Variants in DRD3 observed in about 807,000 individuals in gnomAD.
DRD3 encodes dopamine receptor D3.
Under a neutral mutation model 36.3 loss-of-function variants are expected in DRD3, and 19 were observed. The observed-to-expected ratio is 0.52, with a 90% CI of 0.36 to 0.77. The LOEUF is 0.77. DRD3 is among the 30% of genes least tolerant of loss of function. The probability of loss-of-function intolerance (pLI) is 0.00; values close to 1 mark genes in which losing one functional copy is unlikely to be tolerated. For synonymous variants in DRD3, 195 were observed against 203.7 expected (o/e 0.96, Z 0.36); for missense variants, 465 against 505.3 (o/e 0.92, Z 0.77).
intron 2 of DRD3, among the ~76,000 whole-genome samples, chr3:114,165,860 G>A (rs919373169): frequency 3.3e-5 from 5 of 151,982 alleles, no homozygotes; most frequent in East Asian, 3.9e-4. Flanking sequence ...CCCAAATGTC[G>A]TAGCAGATGA....
chr3:114,161,900 T>A (rs554166843), intron 2 of DRD3, among the ~76,000 whole-genome samples: 1 of 152,222 alleles, frequency 6.6e-6, no homozygotes. Context: ...ATGTTTTAAA[T>A]TGGGTAAAAA....
chr3:114,197,945 C>G (rs866739036), intron 1 of DRD3, among the ~76,000 whole-genome samples: 4 of 152,130 alleles, frequency 2.6e-5, no homozygotes, highest in African/African-American at 4.8e-5. Flanking sequence ...TCCATATGAA[C>G]TTTAAAACCA....
chr3:114,142,711 C>A (rs1284132717), intron 4 of DRD3, among the ~76,000 whole-genome samples: 1 of 150,090 alleles, frequency 6.7e-6, no homozygotes, highest in East Asian at 2.0e-4. Context: ...GTTTTATGTG[C>A]AAGCATTTAT....
intron 1 of DRD3, among the ~76,000 whole-genome samples, chr3:114,190,888 A>T (rs1032707823): frequency 6.6e-6 from 1 of 152,090 alleles, no homozygotes; most frequent in African/African-American, 2.4e-5. Flanking sequence ...TGTATGGAAA[A>T]GGAAAAGGCA....
chr3:114,177,850 C>T (rs540785834), intron 1 of DRD3, among the ~76,000 whole-genome samples: 2 of 152,290 alleles, frequency 1.3e-5, no homozygotes, highest in South Asian at 4.1e-4. Context: ...GTTCTTCACT[C>T]TTATCTAAGG....
chr3:114,157,157 G>A lies in DRD3; in HGVS notation c.383+2598C>T, dbSNP rs200827525. 8.0e-4 allele frequency among the ~76,000 whole-genome samples: 122 copies of A among 151,648 alleles called. 3 individuals carry two copies. In the South Asian group the frequency reaches 0.012, roughly 15 times the overall value. On this transcript the variant is annotated intron_variant, in intron 3 of 6. Coordinates refer to ENST00000383673, the MANE Select transcript of DRD3 (RefSeq NM_000796.6). ...CAAACTCCACCTCCCGGGTTCAAGC[G>A]GTTCTCCAGCCTCTGCCTCCTGAGT...
chr3:114,154,337 G>C (rs981547730), intron 3 of DRD3, among the ~76,000 whole-genome samples: 1 of 151,916 alleles, frequency 6.6e-6, no homozygotes, highest in African/African-American at 2.4e-5. Flanking sequence ...GTGTGTGTGT[G>C]TGTGTGTGTA....
At chr3:114,165,295 A>G (rs1219316370) in intron 2 of DRD3, among the ~76,000 whole-genome samples, 4 of 152,062 alleles carry the variant, frequency 2.6e-5, no homozygotes, top group African/African-American at 9.7e-5. Flanking sequence ...AGTGTGCAGG[A>G]AGGAGGGTTA....
intron 3 of DRD3, among the ~76,000 whole-genome samples, chr3:114,149,096 G>A (rs2077594385): frequency 6.6e-6 from 1 of 152,198 alleles, no homozygotes; most frequent in Non-Finnish European, 1.5e-5. Context: ...ATTCAGAGGT[G>A]TGCAAAAGGC....
intron 2 of DRD3, among the ~76,000 whole-genome samples, chr3:114,165,388 G>C (rs556741401): frequency 6.6e-6 from 1 of 151,842 alleles, no homozygotes; most frequent in African/African-American, 2.4e-5. Context: ...CTGAGATTGC[G>C]CCACTGCACT....
At chr3:114,195,698 T>G (rs886111012) in intron 1 of DRD3, among the ~76,000 whole-genome samples, 28 of 152,182 alleles carry the variant, frequency 1.8e-4, no homozygotes, top group South Asian at 4.1e-4. Flanking sequence ...ATATTGCCAT[T>G]TTGAATAGTG....
chr3:114,189,995 G>T (rs895298809), intron 1 of DRD3, among the ~76,000 whole-genome samples: 1 of 152,160 alleles, frequency 6.6e-6, no homozygotes, highest in Admixed American at 6.5e-5. Flanking sequence ...ATGGGAGTGG[G>T]CTTGTGAAAT....
intron 3 of DRD3, among the ~76,000 whole-genome samples, chr3:114,154,461 C>T (rs1293254502): frequency 6.6e-6 from 1 of 152,050 alleles, no homozygotes; most frequent in Non-Finnish European, 1.5e-5. Context: ...GTTTAATGAG[C>T]CCCAGAGTTC....
At chr3:114,196,031 T>G (rs1319906916) in intron 1 of DRD3, among the ~76,000 whole-genome samples, 1 of 152,208 alleles carries the variant, frequency 6.6e-6, no homozygotes, top group Admixed American at 6.5e-5. Context: ...CTAGGTAACC[T>G]TTGGAATACC....
intron 1 of DRD3, among the ~76,000 whole-genome samples, chr3:114,197,154 C>T (rs2078041367): frequency 6.7e-6 from 1 of 150,146 alleles, no homozygotes; most frequent in Non-Finnish European, 1.5e-5. Context: ...GCTCTGTTGT[C>T]CAGGTGGAGT....
intron 3 of DRD3, among the ~76,000 whole-genome samples, chr3:114,156,410 A>G (rs541195289): frequency 6.7e-6 from 1 of 148,204 alleles, no homozygotes; most frequent in Non-Finnish European, 1.5e-5. Flanking sequence ...GTTCTGTTTG[A>G]CTCCTTTCTC....
At chr3:114,187,472 G>A (rs927592645) in intron 1 of DRD3, among the ~76,000 whole-genome samples, 3 of 152,204 alleles carry the variant, frequency 2.0e-5, no homozygotes, top group African/African-American at 4.8e-5. Flanking sequence ...GACTTTGTAT[G>A]TTAATGAGAA....
chr3:114,176,895 A>G (rs2077905134), intron 1 of DRD3, among the ~76,000 whole-genome samples: 1 of 152,206 alleles, frequency 6.6e-6, no homozygotes, highest in Non-Finnish European at 1.5e-5. Context: ...AACCTGATGA[A>G]GAAGGTAAGC....
At chr3:114,193,682 C>T (rs1373549111) in intron 1 of DRD3, among the ~76,000 whole-genome samples, 8 of 152,156 alleles carry the variant, frequency 5.3e-5, no homozygotes, top group African/African-American at 9.7e-5. Context: ...TTTCCCCAAA[C>T]GCTATCTCTC....
Sources: gnomAD v4.1 joint callset for allele counts (sites outside exome capture counted in the v4.1 genomes callset) on GRCh38, gnomAD v4.1.1 for gene constraint, MANE v1.5 for transcripts, NCBI Gene and HGNC (gene_info 2026-07-23, HGNC 2026-07-21) for gene names.